Variants in TTC29 observed in about 807,000 individuals in gnomAD.
The protein encoded by TTC29 is tetratricopeptide repeat protein 29.
In TTC29, 49 loss-of-function variants were observed where a neutral mutation model predicts 58.1. That is an observed-to-expected ratio of 0.84 (90% CI 0.67 to 1.07). The LOEUF is 1.07. TTC29 is among the 50% of genes least tolerant of loss of function. The pLI is 0.00. For missense variants in TTC29, 582 were observed against 555.6 expected (o/e 1.05, Z -0.48); for synonymous variants, 209 against 196.8 (o/e 1.06, Z -0.52).
chr4:146,855,633 T>C (rs1729795059), intron 8 of TTC29, among the ~76,000 whole-genome samples: 1 of 152,200 alleles, frequency 6.6e-6, no homozygotes, highest in Non-Finnish European at 1.5e-5. Flanking sequence ...TTTTAAATCC[T>C]AGCATATGTT....
chr4:146,936,804 G>C (rs1276613776), intron 4 of TTC29, among the ~76,000 whole-genome samples: 1 of 151,968 alleles, frequency 6.6e-6, no homozygotes, highest in Non-Finnish European at 1.5e-5. Context: ...CACAGCATTA[G>C]ACAAATTAAT....
At chr4:146,866,161 T>C (rs1419922518) in intron 8 of TTC29, among the ~76,000 whole-genome samples, 1 of 152,198 alleles carries the variant, frequency 6.6e-6, no homozygotes, top group Non-Finnish European at 1.5e-5. Flanking sequence ...AATTTAGTTT[T>C]CATTGTGAAT....
At chr4:146,748,285 G>T (rs1745698445) in intron 11 of TTC29, among the ~76,000 whole-genome samples, 1 of 152,128 alleles carries the variant, frequency 6.6e-6, no homozygotes, top group African/African-American at 2.4e-5. Context: ...TCTAGGGTAT[G>T]CCTTAGAACA....
chr4:146,835,790 GC>G (rs1217238615), intron 8 of TTC29, among the ~76,000 whole-genome samples: 1 of 152,134 alleles, frequency 6.6e-6, no homozygotes, highest in African/African-American at 2.4e-5. Flanking sequence ...AATCAGAGGT[GC>G]CCAGTTTTAT....
chr4:146,902,634 A>C (rs999349106), intron 6 of TTC29, among the ~76,000 whole-genome samples: 1 of 151,874 alleles, frequency 6.6e-6, no homozygotes, highest in African/African-American at 2.4e-5. Flanking sequence ...GTCCCTCCTG[A>C]TTGCATCGTG....
chr4:146,921,661 A>C (rs1734589196), intron 4 of TTC29, among the ~76,000 whole-genome samples: 1 of 151,242 alleles, frequency 6.6e-6, no homozygotes, highest in Non-Finnish European at 1.5e-5. Flanking sequence ...ATATAGCTTA[A>C]AAATACATAA....
At position 146,724,695 on chromosome 4, in the gene TTC29, GT is replaced by G. The variant is rs538343945; in HGVS notation, c.1331-17145del. 7.2e-4 allele frequency among the ~76,000 whole-genome samples: 110 copies of G among 152,128 alleles called. 2 individuals carry two copies. Among genetic ancestry groups the G allele is most frequent in the Middle Eastern group, 3.4e-3 (1 of 294 alleles). On this transcript the variant is annotated intron_variant, in intron 11 of 12. Transcript: ENST00000325106. ...CGCCTGGCTAATTTTTGTATTTTTA[GT>G]AGAGACGGGGTTTCACCACGTTCGC... is the stretch of plus-strand genomic sequence containing the variant.
intron 6 of TTC29, among the ~76,000 whole-genome samples, chr4:146,876,137 C>T (rs1415882870): frequency 6.6e-6 from 1 of 152,138 alleles, no homozygotes; most frequent in East Asian, 1.9e-4. Flanking sequence ...CTCTCTGTGC[C>T]TTACTTTATT....
chr4:146,724,672 C>A (rs1346507297), intron 11 of TTC29, among the ~76,000 whole-genome samples: 1 of 152,010 alleles, frequency 6.6e-6, no homozygotes, highest in Non-Finnish European at 1.5e-5. Flanking sequence ...CACCACCACG[C>A]CTGGCTAATT....
intron 8 of TTC29, among the ~76,000 whole-genome samples, chr4:146,866,949 A>G (rs1255043236): frequency 6.6e-6 from 1 of 152,180 alleles, no homozygotes; most frequent in Non-Finnish European, 1.5e-5. Flanking sequence ...GTTTTTAGCC[A>G]AACAAAACCT....
intron 6 of TTC29, among the ~76,000 whole-genome samples, chr4:146,886,535 G>A (rs977619103): frequency 3.9e-5 from 6 of 152,142 alleles, no homozygotes; most frequent in Non-Finnish European, 7.4e-5. Context: ...CATTGAACAC[G>A]ACATGGGAAG....
At chr4:146,879,147 C>A (rs1270682399) in intron 6 of TTC29, among the ~76,000 whole-genome samples, 7 of 152,100 alleles carry the variant, frequency 4.6e-5, no homozygotes, top group Non-Finnish European at 1.0e-4. Context: ...AAGATTTGAT[C>A]CAAATGACCA....
intron 11 of TTC29, among the ~76,000 whole-genome samples, chr4:146,728,986 A>G (rs1389617611): frequency 6.6e-6 from 1 of 150,844 alleles, no homozygotes; most frequent in Non-Finnish European, 1.5e-5. Flanking sequence ...CTGTATCCCC[A>G]GTGCCTCCCT....
chr4:146,832,012 T>G (rs1186115669), intron 9 of TTC29, among the ~76,000 whole-genome samples: 1 of 152,186 alleles, frequency 6.6e-6, no homozygotes, highest in Non-Finnish European at 1.5e-5. Flanking sequence ...TCTTTCCATC[T>G]CAGCCTCCCA....
chr4:146,888,154 T>C (rs974044841), intron 6 of TTC29, among the ~76,000 whole-genome samples: 6 of 152,106 alleles, frequency 3.9e-5, no homozygotes, highest in African/African-American at 1.4e-4. Context: ...CGTTTTTTAA[T>C]CAAAGACACA....
chr4:146,804,188 G>A (rs1163310696), intron 10 of TTC29, among the ~76,000 whole-genome samples: 2 of 152,202 alleles, frequency 1.3e-5, no homozygotes, highest in Non-Finnish European at 1.5e-5. Context: ...GTGAGGGACT[G>A]TGCTGTGAGG....
chr4:146,836,404 C>A (rs975946870), intron 8 of TTC29, among the ~76,000 whole-genome samples: 1 of 152,064 alleles, frequency 6.6e-6, no homozygotes, highest in South Asian at 2.1e-4. Context: ...GAGGGTCTTG[C>A]AAAGGAGCTG....
chr4:146,719,731 C>T (rs1458774351), intron 11 of TTC29, among the ~76,000 whole-genome samples: 3 of 152,006 alleles, frequency 2.0e-5, no homozygotes, highest in Non-Finnish European at 4.4e-5. Context: ...TGAGATTGGC[C>T]TAGTGAGAAA....
intron 6 of TTC29, among the ~76,000 whole-genome samples, chr4:146,898,389 A>G (rs950639103): frequency 2.0e-5 from 3 of 152,192 alleles, no homozygotes; most frequent in African/African-American, 2.4e-5. Context: ...ATAGAGATAC[A>G]CTAGCTAGTG....
Sources: allele counts gnomAD v4.1 joint callset (sites outside exome capture counted in the v4.1 genomes callset), GRCh38; gene constraint gnomAD v4.1.1; transcripts MANE v1.5; gene names NCBI Gene and HGNC (gene_info 2026-07-23, HGNC 2026-07-21).